PRKCA: variants seen among roughly 807,000 people sequenced by gnomAD.
The protein encoded by PRKCA is protein kinase C alpha type.
Under a neutral mutation model 87.0 loss-of-function variants are expected in PRKCA, and 27 were observed. The observed-to-expected ratio is 0.31, with a 90% CI of 0.23 to 0.43. PRKCA has a LOEUF of 0.43. Ranked by LOEUF, PRKCA falls within the 20% of genes least tolerant of loss-of-function variation. PRKCA has a pLI of 1.00. For synonymous variants in PRKCA, 329 were observed against 311.1 expected, an observed-to-expected ratio of 1.06 and a Z score of -0.61; for missense variants, 518 against 852.3, an observed-to-expected ratio of 0.61 and a Z score of 4.88.
At chr17:66,675,521 G>A (rs987384230) in intron 5 of PRKCA, among the ~76,000 whole-genome samples, 12 of 152,132 alleles carry the variant, frequency 7.9e-5, no homozygotes, top group Non-Finnish European at 8.8e-5. Flanking sequence ...CGATCCCTCG[G>A]TCCCTGCAGA....
intron 2 of PRKCA, among the ~76,000 whole-genome samples, chr17:66,474,910 A>T (rs1327575189): frequency 6.6e-6 from 1 of 152,164 alleles, no homozygotes; most frequent in African/African-American, 2.4e-5. Flanking sequence ...GTGACCACTC[A>T]GTCCTCTCTT....
intron 9 of PRKCA, 26 bp downstream of exon 9, chr17:66,732,851 G>T: frequency 2.5e-6 from 4 of 1,604,848 alleles, no homozygotes; most frequent in Non-Finnish European, 3.4e-6. Context: ...TCTGCAAATT[G>T]CAGGGGCTTC....
chr17:66,663,553 A>G (rs1370150734), intron 5 of PRKCA, among the ~76,000 whole-genome samples: 1 of 152,190 alleles, frequency 6.6e-6, no homozygotes, highest in Non-Finnish European at 1.5e-5. Flanking sequence ...GTCTTGATAT[A>G]AAGGGAATGA....
chr17:66,649,688 C>T (rs541500827), intron 5 of PRKCA, among the ~76,000 whole-genome samples: 1 of 152,276 alleles, frequency 6.6e-6, no homozygotes, highest in South Asian at 2.1e-4. Context: ...ATTTGCTGAA[C>T]CCACAATCAG....
intron 2 of PRKCA, among the ~76,000 whole-genome samples, chr17:66,490,988 A>G (rs1916220390): frequency 1.3e-5 from 2 of 152,344 alleles, no homozygotes; most frequent in South Asian, 2.1e-4. Context: ...GTTTACTTCC[A>G]TAAGCAAGAT....
intron 3 of PRKCA, among the ~76,000 whole-genome samples, chr17:66,562,646 G>T (rs1263791266): frequency 6.6e-6 from 1 of 152,048 alleles, no homozygotes; most frequent in African/African-American, 2.4e-5. Flanking sequence ...ACCCAGGCTG[G>T]AGTGCACTGG....
intron 2 of PRKCA, among the ~76,000 whole-genome samples, chr17:66,434,506 T>G (rs1170894456): frequency 6.6e-6 from 1 of 152,148 alleles, no homozygotes; most frequent in Non-Finnish European, 1.5e-5. Context: ...GGATGCTTAA[T>G]TCATTCCAGC....
chr17:66,679,241 C>G (rs893861041), intron 5 of PRKCA, among the ~76,000 whole-genome samples: 1 of 145,700 alleles, frequency 6.9e-6, no homozygotes, highest in African/African-American at 2.6e-5. Flanking sequence ...AGTGCAGTGG[C>G]GCAATCTGGG....
At chr17:66,376,593 T>C (rs1363310082) in intron 2 of PRKCA, among the ~76,000 whole-genome samples, 1 of 151,390 alleles carries the variant, frequency 6.6e-6, no homozygotes, top group Non-Finnish European at 1.5e-5. Context: ...CACTTCAGCC[T>C]GGGTGACAGA....
At chr17:66,678,641 AG>A (rs949212083) in intron 5 of PRKCA, among the ~76,000 whole-genome samples, 4 of 150,718 alleles carry the variant, frequency 2.7e-5, no homozygotes, top group African/African-American at 9.9e-5. Flanking sequence ...CCTCCTGCAT[AG>A]GGCTAAACAG....
At chr17:66,664,265 C>T (rs1971981912) in intron 5 of PRKCA, among the ~76,000 whole-genome samples, 2 of 152,148 alleles carry the variant, frequency 1.3e-5, no homozygotes, top group Admixed American at 1.3e-4. Context: ...ATATGTGGTT[C>T]AGAGGCCCAC....
At chr17:66,715,227 C>A (rs8068955) in intron 8 of PRKCA, among the ~76,000 whole-genome samples, 8,300 of 151,778 alleles carry the variant, frequency 0.055, 754 homozygotes, top group African/African-American at 0.19. Flanking sequence ...AACCTTCTTC[C>A]TTGGGGAACT....
intron 8 of PRKCA, among the ~76,000 whole-genome samples, chr17:66,715,425 A>T (rs1202815146): frequency 6.6e-6 from 1 of 152,098 alleles, no homozygotes; most frequent in Non-Finnish European, 1.5e-5. Flanking sequence ...TGTTTCTAAG[A>T]TAAACACCGT....
intron 3 of PRKCA, among the ~76,000 whole-genome samples, chr17:66,556,311 T>C (rs1434320566): frequency 7.2e-6 from 1 of 139,678 alleles, no homozygotes; most frequent in Admixed American, 7.7e-5. Context: ...GAATAATCTT[T>C]TCTTTCTTCT....
At chr17:66,390,125 G>A (rs1301933154) in intron 2 of PRKCA, among the ~76,000 whole-genome samples, 1 of 152,206 alleles carries the variant, frequency 6.6e-6, no homozygotes, top group African/African-American at 2.4e-5. Context: ...CGGAGGCTGA[G>A]GCAGGAGAAT....
intron 13 of PRKCA, among the ~76,000 whole-genome samples, chr17:66,749,473 A>G (rs1725702194): frequency 1.3e-5 from 2 of 152,038 alleles, no homozygotes; most frequent in South Asian, 4.2e-4. Context: ...CCCTATTTGA[A>G]CCTGCAAACC....
At chr17:66,432,300 G>A (rs960571129) in intron 2 of PRKCA, among the ~76,000 whole-genome samples, 4 of 152,144 alleles carry the variant, frequency 2.6e-5, no homozygotes, top group African/African-American at 9.7e-5. Flanking sequence ...GCATGGGGAT[G>A]TCAGAAGCCC....
chr17:66,781,885 A>AGTGTGTG (rs879505250), intron 14 of PRKCA, among the ~76,000 whole-genome samples: 37 of 131,410 alleles, frequency 2.8e-4, no homozygotes, highest in Admixed American at 1.0e-3. Context: ...ATATATATAT[A>AGTGTGTG]TAGTGTGTGT....
At chr17:66,389,351 A>G (rs1216340915) in intron 2 of PRKCA, among the ~76,000 whole-genome samples, 1 of 152,188 alleles carries the variant, frequency 6.6e-6, no homozygotes, top group East Asian at 1.9e-4. Flanking sequence ...AGCGTAGTGG[A>G]TGGGGAGGAA....
Sources: gnomAD v4.1 joint callset for allele counts (sites outside exome capture counted in the v4.1 genomes callset) on GRCh38, gnomAD v4.1.1 for gene constraint, MANE v1.5 for transcripts, NCBI Gene and HGNC (gene_info 2026-07-23, HGNC 2026-07-21) for gene names.